NTSR1: variants seen among roughly 807,000 people sequenced by gnomAD.
NTSR1 encodes neurotensin receptor type 1.
In NTSR1, 29 loss-of-function variants were observed where a neutral mutation model predicts 31.2. The observed-to-expected ratio is 0.93, with a 90% CI of 0.69 to 1.27. The LOEUF (loss-of-function observed/expected upper bound fraction) is 1.27. NTSR1 is among the 50% of genes most tolerant of loss of function. NTSR1 has a pLI of 0.00. For missense variants in NTSR1, 697 were observed against 595.4 expected (o/e 1.17, Z -1.78); for synonymous variants, 282 against 269.9 (o/e 1.04, Z -0.44).
At position 62,733,053 on chromosome 20, in the gene NTSR1, C is replaced by A. The variant is rs988542441; in HGVS notation, c.715-21632C>A. The A allele has an allele frequency of 2.1e-5, 3 of 140,764 alleles. No homozygotes were observed. The highest frequency in any genetic ancestry group is 4.5e-5 in the Non-Finnish European group (3 of 66,328). The allele number at this position is 140,764 out of a possible 1,614,324, so 8.7% of individuals were successfully genotyped here. ...GGAGTCTGTGGACTTGTCACATCAC[C>A]CGCAGGCGTGGCCCTGAGGCCACGT... On this transcript the variant is annotated intron_variant, in intron 1 of 3. Coordinates refer to ENST00000370501, the MANE Select transcript of NTSR1 (RefSeq NM_002531.3). The surrounding 1 kb of genome is among the most constrained non-coding windows in gnomAD (Gnocchi z 5.2).
intron 1 of NTSR1, among the ~76,000 whole-genome samples, chr20:62,729,626 ATTT>A (rs36003279): frequency 0.44 from 53,173 of 122,174 alleles, 11,495 homozygotes; most frequent in East Asian, 0.67. Flanking sequence ...GGGGTTTCTA[ATTT>A]TTTTTTTTTT....
chr20:62,759,371 C>G (rs997449046), intron 3 of NTSR1, among the ~76,000 whole-genome samples: 2 of 152,104 alleles, frequency 1.3e-5, no homozygotes, highest in African/African-American at 4.8e-5. Context: ...TTGGTTAGGC[C>G]GGGACCAGCC....
At chr20:62,752,495 C>T (rs187427559) in intron 1 of NTSR1, among the ~76,000 whole-genome samples, 59 of 152,282 alleles carry the variant, frequency 3.9e-4, no homozygotes, top group Non-Finnish European at 6.5e-4. Flanking sequence ...TGCAAGGCCC[C>T]GCCTCTGTCC....
chr20:62,749,826 G>A (rs529008783), intron 1 of NTSR1, among the ~76,000 whole-genome samples: 1 of 152,286 alleles, frequency 6.6e-6, no homozygotes, highest in East Asian at 1.9e-4. Context: ...CGAAAAGGGG[G>A]CCCCGGTGCA....
At chr20:62,737,948 G>A (rs537399027) in intron 1 of NTSR1, among the ~76,000 whole-genome samples, 4 of 85,582 alleles carry the variant, frequency 4.7e-5, no homozygotes, top group African/African-American at 2.6e-4. Flanking sequence ...CAGCCTCTGC[G>A]TAAAGCTCCC....
intron 1 of NTSR1, among the ~76,000 whole-genome samples, chr20:62,735,998 A>G (rs1371014303): frequency 6.6e-6 from 1 of 152,236 alleles, no homozygotes; most frequent in Non-Finnish European, 1.5e-5. Context: ...ACAAAGAACA[A>G]ATTTCCGAGC....
chr20:62,737,170 C>T (rs981374399), intron 1 of NTSR1, among the ~76,000 whole-genome samples: 1 of 152,218 alleles, frequency 6.6e-6, no homozygotes, highest in Non-Finnish European at 1.5e-5. Context: ...TGATCAGCCC[C>T]GTGTTCGTGA....
At chr20:62,728,597 C>T (rs1168336050) in intron 1 of NTSR1, among the ~76,000 whole-genome samples, 1 of 152,190 alleles carries the variant, frequency 6.6e-6, no homozygotes, top group Non-Finnish European at 1.5e-5. Context: ...CTCTGCCTGC[C>T]GGAGGCTGGG....
Position 62,760,713 on chromosome 20 carries a change from G to C in NTSR1, c.*446G>C, listed in dbSNP as rs1301309008. ...CCTGCACCCCCTCTGTCTAGCTCGG[G>C]GAGTCCAGCCCCAGTCCCGCAGGCT... On this transcript the variant is annotated 3_prime_UTR_variant, in exon 4 of 4. Transcript: ENST00000370501. 1 of 159,706 alleles carries C rather than the reference G, an allele frequency of 6.3e-6. No homozygotes were observed. Among genetic ancestry groups the C allele is most frequent in the Non-Finnish European group, 1.4e-5 (1 of 72,466 alleles). The allele number at this position is 159,706 out of a possible 1,614,324, so 9.9% of individuals were successfully genotyped here.
In NTSR1 at chr20:62,743,593, C is replaced by G. The variant is rs1239005260; in HGVS notation, c.715-11092C>G. On this transcript the variant is annotated intron_variant, in intron 1 of 3. Transcript: ENST00000370501. This position sits in a 1 kb window ranked among gnomAD's most constrained non-coding sequence, Gnocchi z 7.5. ...CCCTTGGGAGGGTGTGGACAGGAGC[C>G]TCCCCTCCCACCCGCCCCGCAGCCT... is the stretch of plus-strand genomic sequence containing the variant. Among the ~76,000 whole-genome samples, 1 of 152,140 alleles carries G rather than the reference C, an allele frequency of 6.6e-6. No individual in the cohort carries two copies. Among genetic ancestry groups the G allele is most frequent in the Non-Finnish European group, 1.5e-5 (1 of 68,004 alleles).
At chr20:62,710,160 G>T (rs544327012) in intron 1 of NTSR1, among the ~76,000 whole-genome samples, 48 of 152,340 alleles carry the variant, frequency 3.2e-4, no homozygotes, top group Non-Finnish European at 2.9e-4. Context: ...GGTGTTGGTG[G>T]CTGGGCCTCG....
intron 1 of NTSR1, among the ~76,000 whole-genome samples, chr20:62,752,012 C>T (rs973035460): frequency 6.6e-6 from 1 of 152,234 alleles, no homozygotes; most frequent in Non-Finnish European, 1.5e-5. Flanking sequence ...CTCCCTTGTC[C>T]TAGCGACCTG....
In NTSR1 at chr20:62,708,957, C is replaced by G; in HGVS notation, c.-251C>G. 1 of 411,656 alleles carries G rather than the reference C, an allele frequency of 2.4e-6. No homozygotes were observed. The highest frequency in any genetic ancestry group is 4.3e-6 in the Non-Finnish European group (1 of 234,614). The allele number at this position is 411,656 out of a possible 1,614,324, so 25.5% of individuals were successfully genotyped here. A position where few individuals can be genotyped will look rare whatever the true frequency, so the allele number is the denominator to read the frequency against. ...GGCAAGCGCCGAGCCGGGAGACAGCCCGAGGAACCACGGGTTCTGGAGCTA... is the reference window on the plus strand; with the variant it reads ...GGCAAGCGCCGAGCCGGGAGACAGCGCGAGGAACCACGGGTTCTGGAGCTA... On this transcript the variant is annotated 5_prime_UTR_variant, in exon 1 of 4. Transcript: ENST00000370501. This position sits in a 1 kb window ranked among gnomAD's most constrained non-coding sequence, Gnocchi z 5.9.
intron 3 of NTSR1, among the ~76,000 whole-genome samples, 198 bp from the exon 4 acceptor site, chr20:62,759,820 G>A (rs1196946312): frequency 3.3e-5 from 5 of 150,996 alleles, no homozygotes; most frequent in East Asian, 3.9e-4. Flanking sequence ...GCGGGAGCAC[G>A]ACGAGAACTT....
chr20:62,710,425 G>A (rs541843916), intron 1 of NTSR1, among the ~76,000 whole-genome samples: 1 of 152,322 alleles, frequency 6.6e-6, no homozygotes, highest in South Asian at 2.1e-4. Flanking sequence ...TTTCCCATCT[G>A]TGTGATGGGG....
At position 62,709,515 on chromosome 20, in the gene NTSR1, A is replaced by G; in HGVS notation, c.308A>G (p.Tyr103Cys). The change falls in exon 1 of 4, where the codon TAC (tyrosine) becomes TGC (cysteine). Residue 103 changes from tyrosine to cysteine, a missense_variant. Physicochemically the swap from Tyr to Cys is radical, Grantham distance 194. Coordinates refer to ENST00000370501, the MANE Select transcript of NTSR1 (RefSeq NM_002531.3). ...CAGAGCCTGCAGAGCACGGTGCATTACCACCTGGGCAGCCTGGCGCTGTCC... is the reference window on the plus strand; with the variant it reads ...CAGAGCCTGCAGAGCACGGTGCATTGCCACCTGGGCAGCCTGGCGCTGTCC... ...SLQSLQSTVH[Y>C]HLGSLALSDL... is the part of the protein sequence containing the mutation. 1 of 1,612,478 alleles carries G rather than the reference A, an allele frequency of 6.2e-7. No homozygotes were observed. Among genetic ancestry groups the G allele is most frequent in the African/African-American group, 1.3e-5 (1 of 75,046 alleles).
chr20:62,719,226 T>G (rs572213864), intron 1 of NTSR1, among the ~76,000 whole-genome samples: 2 of 152,342 alleles, frequency 1.3e-5, no homozygotes, highest in East Asian at 3.9e-4. Context: ...GATTTTTTTC[T>G]TCATCGTGAA....
intron 1 of NTSR1, among the ~76,000 whole-genome samples, chr20:62,726,864 C>T (rs114377188): frequency 0.044 from 6,626 of 152,216 alleles, 159 homozygotes; most frequent in South Asian, 0.075. Flanking sequence ...GCTCACAGGA[C>T]GGGCACTTCC....
intron 1 of NTSR1, among the ~76,000 whole-genome samples, chr20:62,710,274 C>T (rs570748129): frequency 2.2e-4 from 34 of 152,350 alleles, no homozygotes; most frequent in Non-Finnish European, 4.7e-4. Context: ...ACTGTGCCAC[C>T]AACAGGTGAT....
Sources: gnomAD v4.1 joint callset for allele counts (sites outside exome capture counted in the v4.1 genomes callset) on GRCh38, gnomAD v4.1.1 for gene constraint, Gnocchi (gnomAD v3.1) non-coding constraint, MANE v1.5 for transcripts, NCBI Gene and HGNC (gene_info 2026-07-23, HGNC 2026-07-21) for gene names.